NLGN4Y: variants seen among roughly 807,000 people sequenced by gnomAD.
NLGN4Y encodes the protein neuroligin-4, Y-linked.
NLGN4Y carries 4 observed loss-of-function variants against 8.4 expected under a neutral mutation model. The observed-to-expected ratio is 0.48, with a 90% CI of 0.23 to 1.09. The LOEUF (loss-of-function observed/expected upper bound fraction) is 1.09, where lower values mean the gene tolerates loss of function less well. Ranked by LOEUF, NLGN4Y falls within the 50% of genes least tolerant of loss-of-function variation. NLGN4Y has a pLI of 0.19. For missense variants in NLGN4Y, 90 were observed against 192.3 expected (o/e 0.47, Z 3.15); for synonymous variants, 35 against 75.6 (o/e 0.46, Z 2.78).
chrY:14,560,941 T>C (rs2150475210), intron 1 of NLGN4Y, among the ~76,000 whole-genome samples: 1 of 33,030 alleles, frequency 3.0e-5, no homozygotes, highest in East Asian at 7.9e-4. Flanking sequence ...TTTGGGGATA[T>C]GGAAATTGTC....
chrY:14,812,668 C>T (rs1016155032), intron 4 of NLGN4Y, among the ~76,000 whole-genome samples: 3 of 32,465 alleles, frequency 9.2e-5, no homozygotes, highest in Non-Finnish European at 2.3e-4. Context: ...TCAAGAAGAG[C>T]ACTCATCTTT....
chrY:14,642,124 A>G (rs2080593214), intron 2 of NLGN4Y, among the ~76,000 whole-genome samples: 1 of 33,927 alleles, frequency 2.9e-5, no homozygotes, highest in Non-Finnish European at 7.3e-5. Context: ...GAACAGAGGC[A>G]TTCAGTCCAG....
intron 2 of NLGN4Y, among the ~76,000 whole-genome samples, chrY:14,656,325 C>T: frequency 6.2e-5 from 2 of 32,213 alleles, no homozygotes; most frequent in Non-Finnish European, 1.5e-4. Context: ...TACTGGCTCA[C>T]GCTTCTAAAC....
chrY:14,783,614 T>C, intron 4 of NLGN4Y, among the ~76,000 whole-genome samples: 1 of 33,936 alleles, frequency 2.9e-5, no homozygotes, highest in South Asian at 6.4e-4. Flanking sequence ...TTTATGCTCA[T>C]GCTATTCTGC....
chrY:14,776,722 AT>A (rs2081127619), intron 4 of NLGN4Y, among the ~76,000 whole-genome samples: 2 of 31,076 alleles, frequency 6.4e-5, no homozygotes, highest in African/African-American at 2.5e-4. Flanking sequence ...GATTTTGCCT[AT>A]TTTTTTTTAA....
intron 2 of NLGN4Y, among the ~76,000 whole-genome samples, chrY:14,624,020 C>T: frequency 3.0e-5 from 1 of 33,062 alleles, no homozygotes; most frequent in Non-Finnish European, 7.4e-5. Flanking sequence ...CCTAATAGTC[C>T]CCTTTGTGCA....
chrY:14,556,290 G>C (rs2080210552), intron 1 of NLGN4Y, among the ~76,000 whole-genome samples: 1 of 33,348 alleles, frequency 3.0e-5, no homozygotes, highest in Admixed American at 2.7e-4. Context: ...CTGCTAATTT[G>C]CTTCCTTAAT....
intron 2 of NLGN4Y, among the ~76,000 whole-genome samples, chrY:14,702,286 A>G (rs1603502857): frequency 6.2e-5 from 2 of 32,202 alleles, no homozygotes; most frequent in Non-Finnish European, 1.5e-4. Flanking sequence ...AATGTTAGGT[A>G]TATCTCCTAA....
At chrY:14,687,989 G>A (rs2080797506) in intron 2 of NLGN4Y, among the ~76,000 whole-genome samples, 1 of 32,731 alleles carries the variant, frequency 3.1e-5, no homozygotes, top group African/African-American at 1.2e-4. Flanking sequence ...GAAGTGGCTC[G>A]GTTTTTTAAC....
chrY:14,793,727 C>T, intron 4 of NLGN4Y: 1 of 31,890 alleles, frequency 3.1e-5, no homozygotes, highest in African/African-American at 1.2e-4. Flanking sequence ...GCCGGTAATC[C>T]CAGCAGTTTG....
At chrY:14,614,501 A>G (rs970328496) in intron 1 of NLGN4Y, among the ~76,000 whole-genome samples, 12 of 32,628 alleles carry the variant, frequency 3.7e-4, no homozygotes, top group Admixed American at 1.9e-3. Flanking sequence ...TTAGTCGTGA[A>G]GTCCTTGCCC....
At chrY:14,823,157 CT>C (rs2043129255) in intron 4 of NLGN4Y, among the ~76,000 whole-genome samples, 1 of 33,780 alleles carries the variant, frequency 3.0e-5, no homozygotes, top group Non-Finnish European at 7.3e-5. Flanking sequence ...TCATCCTCTA[CT>C]CTTTTTGTTT....
intron 1 of NLGN4Y, among the ~76,000 whole-genome samples, chrY:14,540,874 C>A (rs2080147456): frequency 6.0e-5 from 2 of 33,475 alleles, no homozygotes; most frequent in African/African-American, 2.3e-4. Context: ...CTGAAAATTC[C>A]AAAAACCAGA....
chrY:14,542,856 C>T (rs878865901), intron 1 of NLGN4Y, among the ~76,000 whole-genome samples: 3 of 31,870 alleles, frequency 9.4e-5, no homozygotes, highest in African/African-American at 3.7e-4. Flanking sequence ...CGGAAGCCAT[C>T]ATTCTTAGCA....
At chrY:14,632,261 C>A in intron 2 of NLGN4Y, among the ~76,000 whole-genome samples, 1 of 33,117 alleles carries the variant, frequency 3.0e-5, no homozygotes. Flanking sequence ...CTGGTGGTTT[C>A]TAGTATGGTT....
intron 4 of NLGN4Y, among the ~76,000 whole-genome samples, chrY:14,728,971 A>T: frequency 3.0e-5 from 1 of 33,400 alleles, no homozygotes; most frequent in South Asian, 6.7e-4. Context: ...TAATTGACTC[A>T]TTGTAATCAT....
chrY:14,750,924 TATGCTTTTCTTTATATTTTCC>T, intron 4 of NLGN4Y, among the ~76,000 whole-genome samples: 1 of 33,585 alleles, frequency 3.0e-5, no homozygotes, highest in African/African-American at 1.2e-4. Context: ...ATTTTTCTCT[TATGCTTTTCTTTATATTTTCC>T]ATGCTTTTCT....
chrY:14,708,799 C>G, intron 2 of NLGN4Y, among the ~76,000 whole-genome samples: 3 of 33,484 alleles, frequency 9.0e-5, no homozygotes, highest in Non-Finnish European at 2.2e-4. Flanking sequence ...AGCTAAGCAT[C>G]TCAAACAACT....
intron 2 of NLGN4Y, among the ~76,000 whole-genome samples, chrY:14,644,730 C>T: frequency 3.0e-5 from 1 of 33,368 alleles, no homozygotes; most frequent in Non-Finnish European, 7.4e-5. Context: ...TTCACACTTT[C>T]TGTCGGTTTT....
Sources: gnomAD v4.1 joint callset for allele counts (sites outside exome capture counted in the v4.1 genomes callset) on GRCh38, gnomAD v4.1.1 for gene constraint, MANE v1.5 for transcripts, NCBI Gene and HGNC (gene_info 2026-07-23, HGNC 2026-07-21) for gene names.